Variants in GNS observed in about 807,000 individuals in gnomAD.
GNS encodes the protein N-acetylglucosamine-6-sulfatase.
In GNS, 40 loss-of-function variants were observed where a neutral mutation model predicts 69.7. The ratio of observed to expected loss-of-function variants is 0.57; its 90% CI spans 0.45 to 0.75. The LOEUF (loss-of-function observed/expected upper bound fraction) is 0.75, where lower values mean the gene tolerates loss of function less well. Ranked by LOEUF, GNS falls within the 30% of genes least tolerant of loss-of-function variation. The pLI is 0.00. For missense variants in GNS, 565 were observed against 685.5 expected, an observed-to-expected ratio of 0.82 and a Z score of 1.96; for synonymous variants, 243 against 251.6, an observed-to-expected ratio of 0.97 and a Z score of 0.32.
chr12:64,751,845 G>A (rs1472583721), intron 2 of GNS, among the ~76,000 whole-genome samples: 2 of 151,628 alleles, frequency 1.3e-5, no homozygotes, highest in Non-Finnish European at 2.9e-5. Context: ...AAAATTAGCA[G>A]GGCATGGTGG....
chr12:64,733,977 T>G (rs2136243116), intron 9 of GNS, among the ~76,000 whole-genome samples: 1 of 152,332 alleles, frequency 6.6e-6, no homozygotes, highest in African/African-American at 2.4e-5. Context: ...AAATGTGCAC[T>G]GATCTGGCTG....
In GNS at chr12:64,739,361, T is replaced by C; in HGVS notation, c.994+20A>G. 1 of 1,093,452 alleles carries C rather than the reference T, an allele frequency of 9.1e-7. No homozygotes were observed. The highest frequency in any genetic ancestry group is 2.3e-5 in the East Asian group (1 of 42,582). 67.7% of individuals were successfully genotyped at this position (1,093,452 alleles called of 1,614,324 possible). On this transcript the variant is annotated intron_variant, in intron 8 of 13. Coordinates refer to ENST00000258145, the MANE Select transcript of GNS (RefSeq NM_002076.4). ...GACATATTCTCAAAGATCACAGCAG[T>C]ACCTACTCCTGCCTCTGACCTGTGT...
intron 10 of GNS, among the ~76,000 whole-genome samples, chr12:64,723,674 AAAGCAGC>A (rs760773168): frequency 6.6e-6 from 1 of 152,246 alleles, no homozygotes; most frequent in Non-Finnish European, 1.5e-5. Context: ...GCAGCATTTG[AAAGCAGC>A]AAGTTTAAGA....
At chr12:64,721,359 T>C (rs1190491235) in intron 12 of GNS, among the ~76,000 whole-genome samples, 1 of 152,226 alleles carries the variant, frequency 6.6e-6, no homozygotes, top group Non-Finnish European at 1.5e-5. Context: ...GAATTGTGCA[T>C]TTAAAGTGTA....
At chr12:64,719,783 C>G (rs192168977) in intron 13 of GNS, among the ~76,000 whole-genome samples, 2 of 152,234 alleles carry the variant, frequency 1.3e-5, no homozygotes, top group Admixed American at 6.5e-5. Flanking sequence ...ATAACAAGAG[C>G]CCCATGTTTG....
intron 8 of GNS, among the ~76,000 whole-genome samples, chr12:64,737,401 T>G (rs1869589027): frequency 6.6e-6 from 1 of 152,212 alleles, no homozygotes; most frequent in Non-Finnish European, 1.5e-5. Context: ...AAATTATGCA[T>G]GCTACTCAGC....
chr12:64,746,957 A>G (rs1042298989), intron 3 of GNS, among the ~76,000 whole-genome samples: 6 of 152,252 alleles, frequency 3.9e-5, no homozygotes, highest in Non-Finnish European at 8.8e-5. Context: ...GATAAAGAGC[A>G]TAAGTACATT....
At chr12:64,758,934 C>T (rs1870370932) in intron 1 of GNS, 151 bp downstream of exon 1, 1 of 713,386 alleles carries the variant, frequency 1.4e-6, no homozygotes, top group Non-Finnish European at 2.6e-6. Flanking sequence ...TCCCTTACAC[C>T]GGCATAAAGG....
chr12:64,741,650 T>C (rs1869740362), intron 6 of GNS, among the ~76,000 whole-genome samples: 1 of 152,052 alleles, frequency 6.6e-6, no homozygotes, highest in Admixed American at 6.6e-5. Context: ...AAAAATCTTA[T>C]TACAGCAATT....
rs370390402 is a variant in GNS at position 64,748,884 on chromosome 12, T to C, written c.253-966A>G. Reference sequence around the variant, plus strand: ...CACACACTCATGCAAAAATTGGGTATTATCCTTTCAATATTAGCAAGTTTT... The same window carrying C: ...CACACACTCATGCAAAAATTGGGTACTATCCTTTCAATATTAGCAAGTTTT... On this transcript the variant is annotated intron_variant, in intron 2 of 13. Coordinates refer to ENST00000258145, the MANE Select transcript of GNS (RefSeq NM_002076.4). Among the ~76,000 whole-genome samples, 3 of 152,218 alleles carry C rather than the reference T, an allele frequency of 2.0e-5. No homozygotes were observed. The East Asian group carries it at 5.8e-4, about 29-fold the overall frequency.
chr12:64,752,868 C>A, intron 1 of GNS, 111 bp from the exon 2 acceptor site: 2 of 709,936 alleles, frequency 2.8e-6, no homozygotes, highest in South Asian at 3.0e-5. Flanking sequence ...CCCAAATGGT[C>A]AGCTCTAAGC....
rs750761593 is a variant in GNS at position 64,715,512 on chromosome 12, T to C, written c.*1229A>G. ...CAGCCTGGGTGACATAGTGAGACTCTGTCCCCACTTCTCAAAAATAAAAAC... is the reference window on the plus strand; with the variant it reads ...CAGCCTGGGTGACATAGTGAGACTCCGTCCCCACTTCTCAAAAATAAAAAC... On this transcript the variant is annotated 3_prime_UTR_variant, in exon 14 of 14. Transcript: ENST00000258145. The C allele has an allele frequency of 6.5e-6, 1 of 153,834 alleles. No homozygotes were observed. The highest frequency in any genetic ancestry group is 2.4e-5 in the African/African-American group (1 of 41,516). The allele number at this position is 153,834 out of a possible 1,614,324, so 9.5% of individuals were successfully genotyped here. A position where few individuals can be genotyped will look rare whatever the true frequency, so the allele number is the denominator to read the frequency against.
At chr12:64,723,725 G>A (rs182746184) in intron 10 of GNS, among the ~76,000 whole-genome samples, 29 of 152,300 alleles carry the variant, frequency 1.9e-4, no homozygotes, top group Non-Finnish European at 3.5e-4. Context: ...ATCTAGGAAC[G>A]GGAGCAAGTT....
chr12:64,734,354 TA>T (rs1310038580), intron 9 of GNS, among the ~76,000 whole-genome samples: 1 of 152,010 alleles, frequency 6.6e-6, no homozygotes, highest in African/African-American at 2.4e-5. Context: ...AAGACAAACT[TA>T]ATAGGGTGTG....
rs1201064645 is a variant in GNS at position 64,744,906 on chromosome 12, T to C, written c.527A>G (p.Glu176Gly). The C allele has an allele frequency of 2.8e-6, 4 of 1,413,684 alleles. No individual in the cohort carries two copies. The allele number at this position is 1,413,684 out of a possible 1,614,324, so 87.6% of individuals were successfully genotyped here. ...PLGWSYWYAL[E>G]KNSKYYNYTL... ...GTAATTATAATACTTAGAATTCTTT[T>C]CCTATTAAAAAGAGGAAAGTCAAAT... The change falls in exon 5 of 14, where the codon GAA becomes GGA. Residue 176 changes from glutamate (E) to glycine (G), a missense_variant and splice_region_variant. This residue lies in a region of GNS where 384 missense variants were observed against 511.0 expected (regional missense o/e 0.75). Coordinates refer to ENST00000258145, the MANE Select transcript of GNS (RefSeq NM_002076.4).
intron 2 of GNS, 83 bp from the exon 3 acceptor site, chr12:64,748,001 C>T (rs538860920): frequency 3.8e-6 from 3 of 786,092 alleles, no homozygotes; most frequent in East Asian, 2.4e-5. Flanking sequence ...TAAAGAAAAG[C>T]TCCTTAATAC....
chr12:64,757,715 C>T (rs913055797), intron 1 of GNS, among the ~76,000 whole-genome samples: 1 of 152,180 alleles, frequency 6.6e-6, no homozygotes, highest in Admixed American at 6.5e-5. Flanking sequence ...AAGTGTAACA[C>T]ACACACTCAC....
intron 7 of GNS, 67 bp downstream of exon 7, chr12:64,740,539 C>G (rs985938349): frequency 1.5e-5 from 13 of 857,536 alleles, no homozygotes; most frequent in Admixed American, 1.2e-4. Flanking sequence ...GGTGTGGTCT[C>G]CTCTTCATGA....
chr12:64,742,214 G>T (rs1009154364), intron 6 of GNS, among the ~76,000 whole-genome samples: 1 of 152,098 alleles, frequency 6.6e-6, no homozygotes, highest in Non-Finnish European at 1.5e-5. Flanking sequence ...TAGAGATGGG[G>T]TTTCACTGTG....
Sources: gnomAD v4.1 joint callset for allele counts (sites outside exome capture counted in the v4.1 genomes callset) on GRCh38, gnomAD v4.1.1 for gene constraint, gnomAD v4.1.1 regional missense constraint, MANE v1.5 for transcripts, NCBI Gene and HGNC (gene_info 2026-07-23, HGNC 2026-07-21) for gene names.